Variants in EBF1 observed in about 807,000 individuals in gnomAD.
The protein encoded by EBF1 is EBF transcription factor 1, also known as transcription factor COE1.
In EBF1, 10 loss-of-function variants were observed where a neutral mutation model predicts 68.4. That is an observed-to-expected ratio of 0.15 (90% CI 0.09 to 0.25). The LOEUF (loss-of-function observed/expected upper bound fraction) is 0.25, where lower values mean the gene tolerates loss of function less well. Ranked by LOEUF, EBF1 falls within the 10% of genes least tolerant of loss-of-function variation. The pLI is 1.00. For synonymous variants in EBF1, 298 were observed against 299.8 expected (o/e 0.99, Z 0.06); for missense variants, 509 against 794.4 (o/e 0.64, Z 4.32).
intron 6 of EBF1, among the ~76,000 whole-genome samples, chr5:159,024,435 C>T (rs899601706): frequency 1.3e-5 from 2 of 152,130 alleles, no homozygotes; most frequent in Non-Finnish European, 2.9e-5. Context: ...AAGCCCTTGA[C>T]AGTCCTATCG....
intron 10 of EBF1, among the ~76,000 whole-genome samples, chr5:158,769,475 A>G (rs762993500): frequency 3.9e-5 from 6 of 152,184 alleles, no homozygotes; most frequent in African/African-American, 4.8e-5. Flanking sequence ...AATAAAGGTC[A>G]TATTTCTTGG....
intron 6 of EBF1, among the ~76,000 whole-genome samples, chr5:158,893,253 C>CT (rs1801536654): frequency 6.6e-6 from 1 of 152,118 alleles, no homozygotes; most frequent in Non-Finnish European, 1.5e-5. Flanking sequence ...CCTTTTTTCT[C>CT]TTCCCCTGGT....
At chr5:158,795,367 A>T (rs1429024953) in intron 9 of EBF1, among the ~76,000 whole-genome samples, 1 of 152,184 alleles carries the variant, frequency 6.6e-6, no homozygotes, top group African/African-American at 2.4e-5. Flanking sequence ...CAAGAAAAGA[A>T]ATATGCTACG....
At chr5:159,083,336 T>C (rs1229660080) in intron 5 of EBF1, among the ~76,000 whole-genome samples, 1 of 152,226 alleles carries the variant, frequency 6.6e-6, no homozygotes, top group Non-Finnish European at 1.5e-5. Flanking sequence ...ATGTACAATA[T>C]AACATTAATT....
rs149986707 is a variant in EBF1 at position 159,038,581 on chromosome 5, C to T, written c.554+34815G>A. Among the ~76,000 whole-genome samples, 744 of 152,326 alleles carry T rather than the reference C, an allele frequency of 4.9e-3. 6 individuals are homozygous for T. The highest frequency in any genetic ancestry group is 0.017 in the African/African-American group (707 of 41,566). Reference sequence around the variant, plus strand: ...GCAAGCAAACACACATTAACTTAGACTGCATTTAAGAAGGCCAGTGGGTAG... The same window carrying T: ...GCAAGCAAACACACATTAACTTAGATTGCATTTAAGAAGGCCAGTGGGTAG... On this transcript the variant is annotated intron_variant, in intron 6 of 15. Transcript: ENST00000313708.
Position 158,734,203 on chromosome 5 carries a change from G to A in EBF1, c.1037-3046C>T, listed in dbSNP as rs1011127010. On this transcript the variant is annotated intron_variant, in intron 10 of 15. Coordinates refer to ENST00000313708, the MANE Select transcript of EBF1 (RefSeq NM_024007.5). ...CAAATAGTAGTTATTTCTAAGTAGCGGGTCTTAAAGTGCTTTTCTTCCTGT... is the reference window on the plus strand; with the variant it reads ...CAAATAGTAGTTATTTCTAAGTAGCAGGTCTTAAAGTGCTTTTCTTCCTGT... Among the ~76,000 whole-genome samples the A allele has an allele frequency of 3.3e-5, 5 of 152,104 alleles. No homozygotes were observed. In the South Asian group the frequency reaches 1.0e-3, roughly 32 times the overall value.
At chr5:158,830,337 C>T (rs1198596078) in intron 7 of EBF1, among the ~76,000 whole-genome samples, 1 of 152,038 alleles carries the variant, frequency 6.6e-6, no homozygotes, top group Non-Finnish European at 1.5e-5. Flanking sequence ...AGGGCGTAAT[C>T]TCGGCTCACA....
intron 5 of EBF1, among the ~76,000 whole-genome samples, chr5:159,077,370 C>G (rs1469052696): frequency 6.6e-6 from 1 of 152,080 alleles, no homozygotes. Context: ...ACCCGGGAAA[C>G]GGAGGTTACA....
intron 6 of EBF1, among the ~76,000 whole-genome samples, chr5:158,858,973 C>T (rs1046412813): frequency 1.2e-4 from 19 of 152,266 alleles, no homozygotes; most frequent in African/African-American, 4.1e-4. Context: ...GAGTAGAGGA[C>T]TCAGGCAGTC....
At chr5:158,992,671 T>C (rs954951667) in intron 6 of EBF1, among the ~76,000 whole-genome samples, 2 of 152,204 alleles carry the variant, frequency 1.3e-5, no homozygotes, top group Admixed American at 6.5e-5. Flanking sequence ...CATCAAGTTG[T>C]TGCAATTGTT....
chr5:158,837,743 T>C (rs1280925640), intron 7 of EBF1, among the ~76,000 whole-genome samples: 1 of 152,190 alleles, frequency 6.6e-6, no homozygotes, highest in Admixed American at 6.5e-5. Context: ...CCCTGGAAGT[T>C]CTACACGGAT....
chr5:158,829,718 C>A (rs932886499), intron 7 of EBF1, among the ~76,000 whole-genome samples: 1 of 152,156 alleles, frequency 6.6e-6, no homozygotes, highest in Admixed American at 6.5e-5. Flanking sequence ...CTACATTCTA[C>A]ATTCTACCTG....
At chr5:159,096,025 C>T (rs551377507) in intron 3 of EBF1, among the ~76,000 whole-genome samples, 2 of 152,360 alleles carry the variant, frequency 1.3e-5, no homozygotes, top group East Asian at 1.9e-4. Flanking sequence ...GCCCCTAAGC[C>T]CAAGGGGCCA....
chr5:158,819,866 T>C (rs1346058129), intron 8 of EBF1, among the ~76,000 whole-genome samples: 1 of 152,178 alleles, frequency 6.6e-6, no homozygotes, highest in African/African-American at 2.4e-5. Context: ...GAAGACCATT[T>C]TCCACGATCT....
Position 158,754,752 on chromosome 5 carries a change from AC to A in EBF1, c.1036+22660del, listed in dbSNP as rs1478868058. On this transcript the variant is annotated intron_variant, in intron 10 of 15. Transcript: ENST00000313708. ...AGATCAAAAACACCATCCTGACCTG[AC>A]AAAGACCCCCAAATATTTGACTCAT... 7.9e-5 allele frequency among the ~76,000 whole-genome samples: 12 copies of A among 152,258 alleles called. No homozygotes were observed. In the East Asian group the frequency reaches 1.9e-3, roughly 24 times the overall value.
At chr5:159,016,432 C>T (rs1290370406) in intron 6 of EBF1, among the ~76,000 whole-genome samples, 1 of 152,130 alleles carries the variant, frequency 6.6e-6, no homozygotes, top group Non-Finnish European at 1.5e-5. Context: ...GCTTGAAAGA[C>T]TTGAATCAAT....
At chr5:159,060,616 A>G (rs904235951) in intron 6 of EBF1, among the ~76,000 whole-genome samples, 3 of 152,262 alleles carry the variant, frequency 2.0e-5, no homozygotes, top group East Asian at 1.9e-4. Context: ...TGTACAGTCA[A>G]ATAGTGAAAG....
At chr5:158,778,843 G>A (rs1775833529) in intron 9 of EBF1, among the ~76,000 whole-genome samples, 1 of 152,100 alleles carries the variant, frequency 6.6e-6, no homozygotes, top group South Asian at 2.1e-4. Flanking sequence ...ATATAAAAAA[G>A]CCCTAAATGA....
intron 6 of EBF1, among the ~76,000 whole-genome samples, chr5:158,871,125 C>T (rs1475591566): frequency 6.6e-6 from 1 of 152,184 alleles, no homozygotes; most frequent in Non-Finnish European, 1.5e-5. Context: ...AAAGACCAGG[C>T]ACTACTTGGA....
Sources: allele counts gnomAD v4.1 joint callset (sites outside exome capture counted in the v4.1 genomes callset), GRCh38; gene constraint gnomAD v4.1.1; transcripts MANE v1.5; gene names NCBI Gene and HGNC (gene_info 2026-07-23, HGNC 2026-07-21).